The following COL22A1 variants were observed in gnomAD, a reference collection of about 807,000 sequenced individuals.
COL22A1 encodes collagen alpha-1(XXII) chain.
COL22A1 carries 221 observed loss-of-function variants against 248.9 expected under a neutral mutation model. The ratio of observed to expected loss-of-function variants is 0.89; its 90% CI spans 0.80 to 0.99. The LOEUF (loss-of-function observed/expected upper bound fraction) is 0.99. Among genes scored for constraint, COL22A1 ranks in the 50% least tolerant of loss-of-function variants. COL22A1 has a pLI of 0.00. For synonymous variants in COL22A1, 891 were observed against 793.4 expected (o/e 1.12, Z -2.07); for missense variants, 2,240 against 2,179.0 (o/e 1.03, Z -0.56).
intron 32 of COL22A1, among the ~76,000 whole-genome samples, chr8:138,697,178 GCT>G (rs1158607986): frequency 6.6e-6 from 1 of 152,104 alleles, no homozygotes; most frequent in Non-Finnish European, 1.5e-5. Flanking sequence ...CCCTGGAAGG[GCT>G]CTGTCAGTAG....
chr8:138,689,040 C>T lies in COL22A1; in HGVS notation c.2809-70G>A, dbSNP rs1826601023. 9 of 1,282,496 alleles carry T rather than the reference C, an allele frequency of 7.0e-6. No homozygotes were observed. In the South Asian group the frequency reaches 9.5e-5, roughly 14 times the overall value. The allele number at this position is 1,282,496 out of a possible 1,614,324, so 79.4% of individuals were successfully genotyped here. On this transcript the variant is annotated intron_variant, in intron 36 of 64. Transcript: ENST00000303045. The stretch of plus-strand genomic sequence containing the variant: ...GGTCACTCTTGGTGGCTCGTGACCC[C>T]CAGGGAAGAATCATCAGGTCCCCCT...
intron 3 of COL22A1, among the ~76,000 whole-genome samples, chr8:138,865,738 G>C (rs1190399253): frequency 8.1e-6 from 1 of 124,222 alleles, no homozygotes; most frequent in East Asian, 2.4e-4. Flanking sequence ...TGTGTTTGTA[G>C]GCCTGTGTGT....
At chr8:138,760,150 G>C in intron 18 of COL22A1, 93 bp downstream of exon 18, 1 of 1,064,124 alleles carries the variant, frequency 9.4e-7, no homozygotes, top group Non-Finnish European at 1.3e-6. Flanking sequence ...TTGCCACCCA[G>C]GCCCCTTCCC....
At chr8:138,852,453 C>T (rs1158864502) in intron 3 of COL22A1, among the ~76,000 whole-genome samples, 1 of 152,182 alleles carries the variant, frequency 6.6e-6, no homozygotes, top group Non-Finnish European at 1.5e-5. Flanking sequence ...AGCCACAGAA[C>T]ATGAGTCCAA....
intron 1 of COL22A1, among the ~76,000 whole-genome samples, chr8:138,905,882 C>T (rs934045628): frequency 2.0e-5 from 3 of 152,180 alleles, no homozygotes; most frequent in Admixed American, 2.0e-4. Flanking sequence ...TTTCCTAACT[C>T]CTGACATTGT....
chr8:138,752,565 T>C (rs78026388), intron 21 of COL22A1, among the ~76,000 whole-genome samples: 1 of 152,104 alleles, frequency 6.6e-6, no homozygotes, highest in African/African-American at 2.4e-5. Flanking sequence ...CCTAAAGGCA[T>C]GAGATTTTTA....
intron 59 of COL22A1, among the ~76,000 whole-genome samples, chr8:138,603,514 T>A (rs1818198185): frequency 6.6e-6 from 1 of 152,164 alleles, no homozygotes; most frequent in Non-Finnish European, 1.5e-5. Context: ...AGCTGGATCA[T>A]ATCTGGAAGA....
intron 1 of COL22A1, among the ~76,000 whole-genome samples, chr8:138,903,767 A>C (rs947790951): frequency 6.6e-6 from 1 of 152,230 alleles, no homozygotes; most frequent in African/African-American, 2.4e-5. Flanking sequence ...GCAGGGGACC[A>C]GAATGAGCTG....
chr8:138,658,195 G>T (rs1333232897), intron 44 of COL22A1, among the ~76,000 whole-genome samples: 2 of 152,178 alleles, frequency 1.3e-5, no homozygotes, highest in African/African-American at 4.8e-5. Context: ...ATGGAACTGT[G>T]TAATTAATAA....
intron 63 of COL22A1, among the ~76,000 whole-genome samples, chr8:138,592,830 T>C (rs1817197476): frequency 6.6e-6 from 1 of 152,164 alleles, no homozygotes. Flanking sequence ...ATATAAGCTA[T>C]TTGAAAGCAG....
At chr8:138,725,133 C>A (rs1830198969) in intron 24 of COL22A1, among the ~76,000 whole-genome samples, 1 of 152,232 alleles carries the variant, frequency 6.6e-6, no homozygotes, top group African/African-American at 2.4e-5. Context: ...GGCTAACATG[C>A]CTTCTACATG....
chr8:138,773,029 GC>G (rs941536140), intron 16 of COL22A1, among the ~76,000 whole-genome samples: 46 of 152,262 alleles, frequency 3.0e-4, no homozygotes, highest in Admixed American at 2.6e-3. Flanking sequence ...CTGGGGACAG[GC>G]CCCCCAGTTA....
intron 34 of COL22A1, among the ~76,000 whole-genome samples, chr8:138,694,118 C>G (rs895811225): frequency 2.0e-5 from 3 of 152,210 alleles, no homozygotes; most frequent in African/African-American, 7.2e-5. Context: ...GTCACTTAAA[C>G]CAGCACTGCC....
intron 1 of COL22A1, among the ~76,000 whole-genome samples, chr8:138,902,731 T>TATATCTA (rs1554661287): frequency 2.4e-4 from 22 of 91,520 alleles, no homozygotes; most frequent in African/African-American, 9.3e-4. Context: ...TATAAATATA[T>TATATCTA]ATATATATAC....
intron 60 of COL22A1, among the ~76,000 whole-genome samples, chr8:138,599,251 C>A (rs987678934): frequency 6.6e-6 from 1 of 151,464 alleles, no homozygotes; most frequent in Non-Finnish European, 1.5e-5. Context: ...CCGAGGCAGG[C>A]AGATCACGAG....
chr8:138,703,125 T>C (rs76731699), intron 31 of COL22A1, among the ~76,000 whole-genome samples, 181 bp downstream of exon 31: 6,625 of 152,240 alleles, frequency 0.044, 196 homozygotes, highest in East Asian at 0.13. Context: ...TCAATAAGCA[T>C]AGGATGGTTC....
intron 1 of COL22A1, among the ~76,000 whole-genome samples, chr8:138,889,109 T>G (rs369838826): frequency 6.6e-6 from 1 of 152,134 alleles, no homozygotes; most frequent in Non-Finnish European, 1.5e-5. Context: ...TCATTTCCAC[T>G]GGGTAAAGGA....
intron 9 of COL22A1, among the ~76,000 whole-genome samples, chr8:138,810,322 A>G (rs1465168115): frequency 6.6e-6 from 1 of 152,246 alleles, no homozygotes; most frequent in Non-Finnish European, 1.5e-5. Flanking sequence ...AAACCTTACC[A>G]TGCCATCACT....
chr8:138,796,714 C>T (rs1463127010), intron 12 of COL22A1, 105 bp downstream of exon 12: 3 of 820,118 alleles, frequency 3.7e-6, no homozygotes, highest in South Asian at 2.8e-5. Context: ...TCTTTTCCCC[C>T]ACTCGAATTC....
Sources: gnomAD v4.1 joint callset for allele counts (sites outside exome capture counted in the v4.1 genomes callset) on GRCh38, gnomAD v4.1.1 for gene constraint, MANE v1.5 for transcripts, NCBI Gene and HGNC (gene_info 2026-07-23, HGNC 2026-07-21) for gene names.